Variants in PCDHGB2 observed in about 807,000 individuals in gnomAD.
PCDHGB2 encodes protocadherin gamma subfamily B, 2, also known as protocadherin gamma-B2.
PCDHGB2 carries 55 observed loss-of-function variants against 59.3 expected under a neutral mutation model. The ratio of observed to expected loss-of-function variants is 0.93; its 90% CI spans 0.75 to 1.16. The LOEUF is 1.16. Among genes scored for constraint, PCDHGB2 ranks in the 50% most tolerant of loss-of-function variants. The pLI, the probability that PCDHGB2 is intolerant of heterozygous loss-of-function variation, is 0.00. For missense variants in PCDHGB2, 1,228 were observed against 1,198.5 expected (o/e 1.02, Z -0.36); for synonymous variants, 516 against 512.0 (o/e 1.01, Z -0.11).
chr5:141,435,603 T>C (rs1195458514), intron 1 of PCDHGB2, among the ~76,000 whole-genome samples: 1 of 152,218 alleles, frequency 6.6e-6, no homozygotes, highest in African/African-American at 2.4e-5. Flanking sequence ...GCCTGCTTTT[T>C]ACATTAAATT....
intron 1 of PCDHGB2, among the ~76,000 whole-genome samples, chr5:141,402,419 A>T: frequency 6.6e-6 from 1 of 152,100 alleles, no homozygotes; most frequent in Middle Eastern, 3.2e-3. Flanking sequence ...ACACAGAAAA[A>T]ATTGAAGCAT....
In PCDHGB2 at chr5:141,490,211, ACCAGGGACAG is replaced by A. The variant is rs1259297201; in HGVS notation, c.2422-4593_2422-4584del. 1 of 1,614,212 alleles carries A rather than the reference ACCAGGGACAG, an allele frequency of 6.2e-7. No individual in the cohort carries two copies. ...TATGAAATTCATGCAAGAGCCCGTG[ACCAGGGACAG>A]CCTGCCATGGAGGGCCACTGTGTGA... is the stretch of plus-strand genomic sequence containing the variant. On this transcript the variant is annotated intron_variant, in intron 1 of 3. Transcript: ENST00000522605. The surrounding 1 kb of genome is among the most constrained non-coding windows in gnomAD (Gnocchi z 5.4).
chr5:141,505,277 G>A, intron 2 of PCDHGB2, 116 bp from the exon 3 acceptor site: 1 of 1,539,958 alleles, frequency 6.5e-7, no homozygotes, highest in African/African-American at 1.4e-5. Context: ...AGAGAAACAG[G>A]TCTTGGGCAT....
chr5:141,468,814 C>G (rs2099180978), intron 1 of PCDHGB2, among the ~76,000 whole-genome samples: 1 of 151,814 alleles, frequency 6.6e-6, no homozygotes, highest in African/African-American at 2.4e-5. Context: ...TGCAGTGAGC[C>G]AAGATCAAGC....
intron 1 of PCDHGB2, chr5:141,415,113 C>G: frequency 1.2e-6 from 2 of 1,613,642 alleles, no homozygotes; most frequent in Non-Finnish European, 1.7e-6. Context: ...AGCAAAGCCT[C>G]GTAGTGGCCG....
intron 1 of PCDHGB2, among the ~76,000 whole-genome samples, chr5:141,444,150 GGATT>G (rs2098419499): frequency 1.8e-5 from 2 of 114,014 alleles, no homozygotes; most frequent in Non-Finnish European, 1.7e-5. Flanking sequence ...TGTGTGTACT[GGATT>G]TTTTTTTTTT....
chr5:141,402,108 A>T (rs2094226699), intron 1 of PCDHGB2, among the ~76,000 whole-genome samples: 1 of 152,218 alleles, frequency 6.6e-6, no homozygotes, highest in African/African-American at 2.4e-5. Context: ...CAATTACAAA[A>T]ATGTGAAAAT....
In PCDHGB2 at chr5:141,489,423, C is replaced by A. The variant is rs754178145; in HGVS notation, c.2422-5384C>A. 7.4e-6 allele frequency: 12 copies of A among 1,613,982 alleles called. No homozygotes were observed. Among genetic ancestry groups the A allele is most frequent in the Non-Finnish European group, 1.0e-5 (12 of 1,180,044 alleles). On this transcript the variant is annotated intron_variant, in intron 1 of 3. Transcript: ENST00000522605. The surrounding 1 kb of genome is among the most constrained non-coding windows in gnomAD (Gnocchi z 4.5). Reference sequence around the variant, plus strand: ...GCTTAAAGATGACAGATCTGTTGAGCCGGCGGCTGCAATTGGGCTCTGAGG... The same window carrying A: ...GCTTAAAGATGACAGATCTGTTGAGACGGCGGCTGCAATTGGGCTCTGAGG...
At chr5:141,500,877 A>ATT (rs369345007) in intron 2 of PCDHGB2, among the ~76,000 whole-genome samples, 3 of 122,284 alleles carry the variant, frequency 2.5e-5, no homozygotes, top group Admixed American at 2.4e-4. Flanking sequence ...TTCATTTACA[A>ATT]TTTTTTTTTT....
Position 141,491,706 on chromosome 5 carries a change from G to T in PCDHGB2, c.2422-3101G>T. 6.2e-7 allele frequency: 1 copy of T among 1,611,088 alleles called. No individual in the cohort carries two copies. Among genetic ancestry groups the T allele is most frequent in the Non-Finnish European group, 8.5e-7 (1 of 1,178,772 alleles). On this transcript the variant is annotated intron_variant, in intron 1 of 3. Coordinates refer to ENST00000522605, the MANE Select transcript of PCDHGB2 (RefSeq NM_018923.3). The surrounding 1 kb of genome is among the most constrained non-coding windows in gnomAD (Gnocchi z 6.9). Reference sequence around the variant, plus strand: ...CGCTGCGGGAGCGGAGCCAGGTGAGGGGCTCGGCGCCGCCCCGGGCGACCC... The same window carrying T: ...CGCTGCGGGAGCGGAGCCAGGTGAGTGGCTCGGCGCCGCCCCGGGCGACCC...
intron 1 of PCDHGB2, among the ~76,000 whole-genome samples, chr5:141,438,019 G>A (rs1031334687): frequency 1.3e-5 from 2 of 152,104 alleles, no homozygotes; most frequent in Non-Finnish European, 2.9e-5. Context: ...GAGATTACAG[G>A]TGTGAGCCAC....
intron 1 of PCDHGB2, chr5:141,371,272 A>G (rs750507837): frequency 1.9e-6 from 3 of 1,614,026 alleles, no homozygotes; most frequent in Admixed American, 1.7e-5. Context: ...CAACTGTTCA[A>G]GCTGGACAGT....
intron 2 of PCDHGB2, among the ~76,000 whole-genome samples, chr5:141,503,132 CCT>C (rs1388312522): frequency 6.6e-6 from 1 of 151,994 alleles, no homozygotes; most frequent in Non-Finnish European, 1.5e-5. Flanking sequence ...TCTGGTAGCC[CCT>C]GACACAGCCC....
intron 1 of PCDHGB2, chr5:141,374,905 C>CG (rs1561564899): frequency 1.9e-6 from 3 of 1,613,734 alleles, no homozygotes; most frequent in Non-Finnish European, 2.5e-6. Context: ...AAGGAGTCCA[C>CG]GGGGAAGTAA....
intron 1 of PCDHGB2, among the ~76,000 whole-genome samples, chr5:141,443,521 T>A (rs2098392520): frequency 6.6e-6 from 1 of 152,156 alleles, no homozygotes; most frequent in Admixed American, 6.6e-5. Context: ...TCTCTCCTTA[T>A]GACTTATTTA....
intron 1 of PCDHGB2, among the ~76,000 whole-genome samples, chr5:141,429,880 G>A (rs1209368869): frequency 6.6e-6 from 1 of 152,104 alleles, no homozygotes; most frequent in Non-Finnish European, 1.5e-5. Context: ...CTTTTACTAA[G>A]TTTCCTGAAC....
intron 1 of PCDHGB2, among the ~76,000 whole-genome samples, chr5:141,465,116 C>A (rs2099097321): frequency 6.6e-6 from 1 of 150,972 alleles, no homozygotes; most frequent in Non-Finnish European, 1.5e-5. Context: ...AGTGTTTTAG[C>A]CTAAATTTGT....
chr5:141,427,398 A>T (rs1040184910), intron 1 of PCDHGB2: 8 of 460,774 alleles, frequency 1.7e-5, no homozygotes, highest in Non-Finnish European at 3.5e-5. Context: ...AACACATGAT[A>T]AAGATTCGAG....
rs2096370584 is a variant in PCDHGB2 at position 141,419,372 on chromosome 5, G to A, written c.2421+56816G>A. On this transcript the variant is annotated intron_variant, in intron 1 of 3. Coordinates refer to ENST00000522605, the MANE Select transcript of PCDHGB2 (RefSeq NM_018923.3). The stretch of plus-strand genomic sequence containing the variant: ...GGAGTCACGAACGCTGTCGTCCTAC[G>A]TGTCCGTGAGCGCGCAGAGCGGGGT... 2 of 1,613,728 alleles carry A rather than the reference G, an allele frequency of 1.2e-6. No homozygotes were observed. Among genetic ancestry groups the A allele is most frequent in the South Asian group, 1.1e-5 (1 of 91,088 alleles).
Sources: gnomAD v4.1 joint callset for allele counts (sites outside exome capture counted in the v4.1 genomes callset) on GRCh38, gnomAD v4.1.1 for gene constraint, Gnocchi (gnomAD v3.1) non-coding constraint, MANE v1.5 for transcripts, NCBI Gene and HGNC (gene_info 2026-07-23, HGNC 2026-07-21) for gene names.